The following ZNF69 variants were observed in gnomAD, a reference collection of about 807,000 sequenced individuals.
The protein encoded by ZNF69 is zinc finger protein 69, also known as ZNF3.
A neutral mutation model predicts 50.9 loss-of-function variants in ZNF69; 47 were observed. The ratio of observed to expected loss-of-function variants is 0.92; its 90% CI spans 0.73 to 1.18. The LOEUF is 1.18. ZNF69 is among the 50% of genes most tolerant of loss of function. The pLI is 0.00. For missense variants in ZNF69, 717 were observed against 675.1 expected, an observed-to-expected ratio of 1.06 and a Z score of -0.69; for synonymous variants, 216 against 223.1, an observed-to-expected ratio of 0.97 and a Z score of 0.29.
intron 1 of ZNF69, among the ~76,000 whole-genome samples, chr19:11,897,316 C>T (rs1278355991): frequency 1.3e-5 from 2 of 152,076 alleles, no homozygotes; most frequent in Non-Finnish European, 2.9e-5. Flanking sequence ...CATTGCACTC[C>T]AGCCTGGGCA....
At chr19:11,931,724 T>G in the ZNF69 span, among the ~76,000 whole-genome samples, 10 of 148,110 alleles carry the variant, frequency 6.8e-5, no homozygotes, top group Non-Finnish European at 7.4e-5. Context: ...ATTTTTCCAT[T>G]TATTGCATTT....
intron 1 of ZNF69, among the ~76,000 whole-genome samples, chr19:11,891,797 G>C (rs1977095348): frequency 6.6e-6 from 1 of 152,104 alleles, no homozygotes; most frequent in Admixed American, 6.6e-5. Flanking sequence ...GAAACTTTAT[G>C]ATCATGGGTT....
chr19:11,905,928 T>A lies in ZNF69; in HGVS notation c.1531T>A (p.Cys511Ser), dbSNP rs775478732. 2.4e-5 allele frequency: 38 copies of A among 1,613,882 alleles called. No homozygotes were observed. In the Middle Eastern group the frequency reaches 2.3e-3, roughly 98 times the overall value. The change falls in exon 4 of 4, where the codon TGT (cysteine) becomes AGT (serine). Residue 511 changes from cysteine (C) to serine (S), a missense_variant. Cys to Ser is a moderately radical substitution (Grantham distance 112). Transcript: ENST00000429654. ...TGEKLYECKQ[C>S]GEAFSSSSSF... is the part of the protein sequence containing the mutation. ...AGAGAAACTCTATGAATGCAAGCAA[T>A]GTGGTGAAGCCTTCAGTAGTTCCAG... is the stretch of plus-strand genomic sequence containing the variant.
At chr19:11,940,174 C>A in the ZNF69 span, 1 of 152,194 alleles carries the variant, frequency 6.6e-6, no homozygotes, top group Admixed American at 6.5e-5. Context: ...AGGTGATCGA[C>A]CTGCCTCGGC....
At chr19:11,902,753 G>A (rs1017965419) in intron 1 of ZNF69, among the ~76,000 whole-genome samples, 1 of 151,326 alleles carries the variant, frequency 6.6e-6, no homozygotes, top group Non-Finnish European at 1.5e-5. Flanking sequence ...TTACACTTTG[G>A]GAACAGGCAT....
At chr19:11,949,076 C>G in the ZNF69 span, 2 of 1,609,840 alleles carry the variant, frequency 1.2e-6, no homozygotes, top group South Asian at 2.2e-5. Flanking sequence ...AGTTTTCAAA[C>G]ACACATAAGA....
chr19:11,896,468 T>C (rs1368531001), intron 1 of ZNF69, among the ~76,000 whole-genome samples: 1 of 151,982 alleles, frequency 6.6e-6, no homozygotes, highest in Non-Finnish European at 1.5e-5. Context: ...GTGAAGTCCA[T>C]GTTAAGGGAG....
At chr19:11,970,347 A>G in the ZNF69 span, among the ~76,000 whole-genome samples, 2 of 152,222 alleles carry the variant, frequency 1.3e-5, no homozygotes. Flanking sequence ...ATGTGAGTTA[A>G]CCACATGGAG....
intron 1 of ZNF69, among the ~76,000 whole-genome samples, chr19:11,900,687 C>T (rs780050325): frequency 3.3e-5 from 5 of 152,130 alleles, no homozygotes; most frequent in African/African-American, 7.2e-5. Context: ...TTTTTTCTTA[C>T]AGAATTTTAG....
chr19:11,907,867 C>T (rs943111862), downstream of ZNF69, among the ~76,000 whole-genome samples: 1 of 152,168 alleles, frequency 6.6e-6, no homozygotes, highest in Non-Finnish European at 1.5e-5. Context: ...AATTAAAAGA[C>T]ACAGACTGGC....
the ZNF69 span, chr19:11,948,973 T>C: frequency 6.2e-7 from 1 of 1,608,844 alleles, no homozygotes; most frequent in Non-Finnish European, 8.5e-7. Flanking sequence ...AGCATTTGCA[T>C]ATACCAGTTC....
the ZNF69 span, among the ~76,000 whole-genome samples, chr19:11,973,409 T>A: frequency 1.3e-5 from 2 of 152,164 alleles, no homozygotes; most frequent in Admixed American, 6.5e-5. Flanking sequence ...TCTAAAAAAA[T>A]TTTGTTTTGT....
Position 11,905,450 on chromosome 19 carries a change from A to G in ZNF69, c.1053A>G (p.Ile351Met). 1 of 1,614,234 alleles carries G rather than the reference A, an allele frequency of 6.2e-7. No individual in the cohort carries two copies. ...LSSLTSFQTH[I>M]RMHSGERPYE... is the part of the protein sequence containing the mutation. ...CTCTTACAAGTTTTCAAACACACAT[A>G]AGAATGCACTCTGGAGAAAGACCTT... Residue 351 changes from isoleucine to methionine, a missense_variant, in exon 4 of 4, where the codon ATA (isoleucine) becomes ATG (methionine). Coordinates refer to ENST00000429654, the MANE Select transcript of ZNF69 (RefSeq NM_001364730.1).
the ZNF69 span, among the ~76,000 whole-genome samples, chr19:11,971,132 A>T: frequency 6.6e-6 from 1 of 152,168 alleles, no homozygotes; most frequent in African/African-American, 2.4e-5. Flanking sequence ...AGACTGGGTA[A>T]CTTAAAGAAT....
chr19:11,979,383 T>G, the ZNF69 span: 1 of 1,610,710 alleles, frequency 6.2e-7, no homozygotes, highest in Non-Finnish European at 8.5e-7. Context: ...GGGAAAGCCT[T>G]CAGATCTGCC....
At chr19:11,892,845 T>C (rs559600492) in intron 1 of ZNF69, among the ~76,000 whole-genome samples, 2 of 152,224 alleles carry the variant, frequency 1.3e-5, no homozygotes, top group African/African-American at 4.8e-5. Flanking sequence ...TTGTTTTTGT[T>C]TGTTTGTTTG....
downstream of ZNF69, among the ~76,000 whole-genome samples, chr19:11,916,716 G>A (rs1356170812): frequency 1.3e-5 from 2 of 152,172 alleles, no homozygotes; most frequent in Non-Finnish European, 2.9e-5. Context: ...AGAGAAAACT[G>A]TTCACCTAAT....
intron 1 of ZNF69, among the ~76,000 whole-genome samples, chr19:11,890,492 A>G (rs1276422756): frequency 6.6e-6 from 1 of 152,256 alleles, no homozygotes; most frequent in Non-Finnish European, 1.5e-5. Flanking sequence ...AAAGTTACAG[A>G]TTAACAGCAT....
At chr19:11,924,385 T>A in the ZNF69 span, among the ~76,000 whole-genome samples, 1 of 133,114 alleles carries the variant, frequency 7.5e-6, no homozygotes, top group African/African-American at 2.9e-5. Flanking sequence ...TGAGTCGAGA[T>A]CGCACCACTG....
Sources: allele counts gnomAD v4.1 joint callset (sites outside exome capture counted in the v4.1 genomes callset), GRCh38; gene constraint gnomAD v4.1.1; transcripts MANE v1.5; gene names NCBI Gene and HGNC (gene_info 2026-07-23, HGNC 2026-07-21).